SH3GL2: variants seen among roughly 807,000 people sequenced by gnomAD.
SH3GL2 encodes SH3 domain containing GRB2 like 2, endophilin A1, also known as endophilin-A1.
Under a neutral mutation model 46.0 loss-of-function variants are expected in SH3GL2, and 24 were observed. The observed-to-expected ratio is 0.52, with a 90% CI of 0.38 to 0.73. SH3GL2 has a LOEUF of 0.73. Ranked by LOEUF, SH3GL2 falls within the 30% of genes least tolerant of loss-of-function variation. The pLI is 0.00. For synonymous variants in SH3GL2, 196 were observed against 147.1 expected, an observed-to-expected ratio of 1.33 and a Z score of -2.40; for missense variants, 413 against 424.2, an observed-to-expected ratio of 0.97 and a Z score of 0.23.
At chr9:17,600,298 A>G (rs752445042) in intron 1 of SH3GL2, among the ~76,000 whole-genome samples, 31 of 152,340 alleles carry the variant, frequency 2.0e-4, no homozygotes, top group Admixed American at 5.2e-4. Flanking sequence ...TAAATGTCCT[A>G]TGTTCTTCAG....
chr9:17,613,548 C>A lies in SH3GL2; in HGVS notation c.45+34261C>A, dbSNP rs1588173308. On this transcript the variant is annotated intron_variant, in intron 1 of 8. Transcript: ENST00000380607. ...CACCCTAGAGGAAGGTAACATTCTT[C>A]CCTTGGTGTCAGTGCTAAGCTCTGA... 2.0e-5 allele frequency among the ~76,000 whole-genome samples: 3 copies of A among 152,284 alleles called. No homozygotes were observed. The South Asian group carries it at 6.2e-4, about 32-fold the overall frequency.
intron 2 of SH3GL2, among the ~76,000 whole-genome samples, chr9:17,747,379 G>T (rs1822721137): frequency 6.6e-6 from 1 of 152,158 alleles, no homozygotes; most frequent in African/African-American, 2.4e-5. Flanking sequence ...ACTTTTTCTG[G>T]TGGGTTTCAT....
At chr9:17,607,728 A>T (rs1818786373) in intron 1 of SH3GL2, among the ~76,000 whole-genome samples, 1 of 152,172 alleles carries the variant, frequency 6.6e-6, no homozygotes, top group Admixed American at 6.5e-5. Context: ...TTTTCTTCAA[A>T]TTTTGAATGG....
chr9:17,794,643 C>G (rs1824229031), intron 8 of SH3GL2, among the ~76,000 whole-genome samples: 2 of 152,170 alleles, frequency 1.3e-5, no homozygotes, highest in East Asian at 1.9e-4. Flanking sequence ...GGCATGGGAA[C>G]TGTGTGCACT....
At position 17,752,700 on chromosome 9, in the gene SH3GL2, C is replaced by G. The variant is rs576065673; in HGVS notation, c.114+5566C>G. ...TTATTTGATATTTGAGGTCCAATTT[C>G]TTTCTTTTTTTAAACTTGTATCTTA... On this transcript the variant is annotated intron_variant, in intron 2 of 8. Coordinates refer to ENST00000380607, the MANE Select transcript of SH3GL2 (RefSeq NM_003026.5). Among the ~76,000 whole-genome samples the G allele has an allele frequency of 1.5e-3, 234 of 152,210 alleles. 1 individual carries two copies. Among genetic ancestry groups the G allele is most frequent in the African/African-American group, 5.5e-3 (228 of 41,548 alleles).
chr9:17,675,264 A>C (rs190896643), intron 1 of SH3GL2, among the ~76,000 whole-genome samples: 2 of 152,258 alleles, frequency 1.3e-5, no homozygotes, highest in African/African-American at 4.8e-5. Context: ...CCAGATTTTT[A>C]AAATTTGGCG....
At chr9:17,761,904 C>T (rs537705502) in intron 3 of SH3GL2, among the ~76,000 whole-genome samples, 11 of 152,080 alleles carry the variant, frequency 7.2e-5, no homozygotes, top group African/African-American at 2.2e-4. Context: ...GGAGGTGAAT[C>T]GTTTTCATGA....
intron 1 of SH3GL2, among the ~76,000 whole-genome samples, chr9:17,727,215 C>T (rs555052273): frequency 2.6e-4 from 40 of 152,024 alleles, no homozygotes; most frequent in Non-Finnish European, 4.0e-4. Context: ...AGGTTGTATG[C>T]GGTATAGTAT....
chr9:17,644,524 G>T (rs117748335), intron 1 of SH3GL2, among the ~76,000 whole-genome samples: 1 of 151,544 alleles, frequency 6.6e-6, no homozygotes, highest in Non-Finnish European at 1.5e-5. Flanking sequence ...CTGGTACACT[G>T]TGTGTTCTTA....
intron 1 of SH3GL2, among the ~76,000 whole-genome samples, chr9:17,703,605 A>G (rs1050487298): frequency 6.6e-6 from 1 of 152,104 alleles, no homozygotes; most frequent in African/African-American, 2.4e-5. Context: ...CTAATCCACT[A>G]TGATCAAGTA....
chr9:17,629,686 C>T (rs1326758225), intron 1 of SH3GL2, among the ~76,000 whole-genome samples: 3 of 152,096 alleles, frequency 2.0e-5, no homozygotes, highest in African/African-American at 7.2e-5. Flanking sequence ...ATTCCCTTGT[C>T]TTATATTCAG....
chr9:17,738,645 G>T (rs377524780), intron 1 of SH3GL2, among the ~76,000 whole-genome samples: 10,941 of 41,130 alleles, frequency 0.27, 834 homozygotes, highest in African/African-American at 0.4. Flanking sequence ...TATATATAGA[G>T]AGAGAGAGAG....
At chr9:17,775,990 T>G (rs571311240) in intron 3 of SH3GL2, among the ~76,000 whole-genome samples, 1 of 152,210 alleles carries the variant, frequency 6.6e-6, no homozygotes, top group South Asian at 2.1e-4. Context: ...TACAGCAATT[T>G]AAATCAGGTT....
intron 1 of SH3GL2, among the ~76,000 whole-genome samples, chr9:17,698,306 A>T (rs11789011): frequency 6.6e-6 from 1 of 152,062 alleles, no homozygotes; most frequent in Non-Finnish European, 1.5e-5. Context: ...GGTCCAAGCC[A>T]TATTGTCAGT....
At chr9:17,702,915 G>A (rs1057364869) in intron 1 of SH3GL2, among the ~76,000 whole-genome samples, 2 of 152,012 alleles carry the variant, frequency 1.3e-5, no homozygotes, top group African/African-American at 4.8e-5. Flanking sequence ...ATGCCTTGCT[G>A]TCAGCTGGTT....
chr9:17,764,350 A>C (rs1323981158), intron 3 of SH3GL2, among the ~76,000 whole-genome samples: 1 of 152,256 alleles, frequency 6.6e-6, no homozygotes, highest in Non-Finnish European at 1.5e-5. Context: ...CACTGGCCAT[A>C]GAGCCCAGAC....
chr9:17,706,465 C>T (rs992073570), intron 1 of SH3GL2, among the ~76,000 whole-genome samples: 25 of 152,162 alleles, frequency 1.6e-4, no homozygotes, highest in Middle Eastern at 3.4e-3. Context: ...CCAGATGCAG[C>T]GGGAGAGCAA....
At chr9:17,746,327 C>T (rs926132302) in intron 1 of SH3GL2, among the ~76,000 whole-genome samples, 3 of 152,166 alleles carry the variant, frequency 2.0e-5, no homozygotes, top group South Asian at 2.1e-4. Flanking sequence ...CCACCCGCCT[C>T]GGCCTCCCAA....
rs571812941 is a variant in SH3GL2, at chr9:17,580,763, G to T, written c.45+1476G>T. Among the ~76,000 whole-genome samples, 3 of 152,338 alleles carry T rather than the reference G, an allele frequency of 2.0e-5. No homozygotes were observed. The South Asian group carries it at 6.2e-4, about 32-fold the overall frequency. The stretch of plus-strand genomic sequence containing the variant: ...TGTGCTGCCCAGGAATTCTGTGGCA[G>T]GACTTCTTCGATATTACTAACCTTT... On this transcript the variant is annotated intron_variant, in intron 1 of 8. Transcript: ENST00000380607.
Sources: allele counts gnomAD v4.1 joint callset (sites outside exome capture counted in the v4.1 genomes callset), GRCh38; gene constraint gnomAD v4.1.1; transcripts MANE v1.5; gene names NCBI Gene and HGNC (gene_info 2026-07-23, HGNC 2026-07-21).